Variants in TNR observed in about 807,000 individuals in gnomAD.
TNR encodes tenascin R.
In TNR, 45 loss-of-function variants were observed where a neutral mutation model predicts 150.4. The observed-to-expected ratio is 0.30, with a 90% CI of 0.24 to 0.38. TNR has a LOEUF of 0.38. Among genes scored for constraint, TNR ranks in the 10% least tolerant of loss-of-function variants. The probability of loss-of-function intolerance (pLI) is 1.00; values close to 1 mark genes in which losing one functional copy is unlikely to be tolerated. For missense variants in TNR, 1,544 were observed against 1,759.1 expected (o/e 0.88, Z 2.19); for synonymous variants, 687 against 678.4 (o/e 1.01, Z -0.20).
intron 1 of TNR, among the ~76,000 whole-genome samples, chr1:175,634,236 T>C (rs1664424003): frequency 6.6e-6 from 1 of 152,184 alleles, no homozygotes; most frequent in African/African-American, 2.4e-5. Context: ...CCTGAATGAT[T>C]GTCTTTCTGT....
intron 9 of TNR, among the ~76,000 whole-genome samples, chr1:175,368,434 C>T (rs1356047877): frequency 2.6e-5 from 4 of 152,190 alleles, no homozygotes; most frequent in Non-Finnish European, 5.9e-5. Context: ...CTCTGACCTC[C>T]CTACATCCAC....
chr1:175,337,712 T>G, intron 18 of TNR, 33 bp from the exon 19 acceptor site: 1 of 1,610,656 alleles, frequency 6.2e-7, no homozygotes, highest in African/African-American at 1.3e-5. Context: ...CCAGAAAGGA[T>G]TCTTTCTCTC....
intron 2 of TNR, among the ~76,000 whole-genome samples, chr1:175,428,498 T>C (rs1655112750): frequency 6.6e-6 from 1 of 152,194 alleles, no homozygotes; most frequent in South Asian, 2.1e-4. Context: ...CATCATCTAA[T>C]TCAATTTTCT....
At chr1:175,696,879 C>CA (rs66502339) in intron 1 of TNR, among the ~76,000 whole-genome samples, 1,163 of 110,480 alleles carry the variant, frequency 0.011, 14 homozygotes, top group African/African-American at 0.026. Flanking sequence ...AACTCCATCT[C>CA]AAAAAAAAAA....
At chr1:175,491,204 A>AT (rs2102139062) in intron 2 of TNR, among the ~76,000 whole-genome samples, 1 of 151,962 alleles carries the variant, frequency 6.6e-6, no homozygotes, top group Admixed American at 6.6e-5. Context: ...GAACACACAC[A>AT]CTGGGGCCTG....
intron 9 of TNR, among the ~76,000 whole-genome samples, chr1:175,373,632 C>G (rs1652205516): frequency 6.6e-6 from 1 of 152,158 alleles, no homozygotes; most frequent in Non-Finnish European, 1.5e-5. Flanking sequence ...AGGCCTGTTT[C>G]CAGATGGAAC....
chr1:175,455,568 G>A (rs1381930524), intron 2 of TNR, among the ~76,000 whole-genome samples: 1 of 152,192 alleles, frequency 6.6e-6, no homozygotes, highest in Non-Finnish European at 1.5e-5. Flanking sequence ...CATCAGTCAA[G>A]GCACTTTTTA....
chr1:175,511,113 ACTCT>A (rs1659154135), intron 2 of TNR, among the ~76,000 whole-genome samples: 1 of 152,074 alleles, frequency 6.6e-6, no homozygotes, highest in Admixed American at 6.5e-5. Context: ...GGCCTGTGGG[ACTCT>A]CTAAGTTGGG....
At chr1:175,508,835 T>C (rs1334130775) in intron 2 of TNR, among the ~76,000 whole-genome samples, 1 of 152,222 alleles carries the variant, frequency 6.6e-6, no homozygotes, top group East Asian at 1.9e-4. Context: ...CCAGTTAGTG[T>C]GGGGTCATTT....
At chr1:175,742,982 AC>A (rs1667972280) in intron 1 of TNR, among the ~76,000 whole-genome samples, 1 of 151,830 alleles carries the variant, frequency 6.6e-6, no homozygotes, top group South Asian at 2.1e-4. Flanking sequence ...ACACACACAC[AC>A]ACACACACAC....
chr1:175,670,067 C>T (rs1665648692), intron 1 of TNR, among the ~76,000 whole-genome samples: 2 of 152,214 alleles, frequency 1.3e-5, no homozygotes, highest in Non-Finnish European at 2.9e-5. Flanking sequence ...ATCCTCTCAC[C>T]TCTCCTGCAG....
chr1:175,571,810 G>T (rs1019611737), intron 1 of TNR, among the ~76,000 whole-genome samples: 23 of 152,164 alleles, frequency 1.5e-4, no homozygotes, highest in African/African-American at 5.5e-4. Context: ...CTTTACTTGT[G>T]TCTTCAGAGG....
chr1:175,480,680 G>T (rs1055935518), intron 2 of TNR, among the ~76,000 whole-genome samples: 4 of 152,304 alleles, frequency 2.6e-5, no homozygotes, highest in African/African-American at 9.6e-5. Context: ...GTTTACAGAC[G>T]TTAAGAGGCT....
At chr1:175,517,813 CAT>C (rs1047329729) in intron 2 of TNR, among the ~76,000 whole-genome samples, 11 of 152,162 alleles carry the variant, frequency 7.2e-5, no homozygotes, top group African/African-American at 2.7e-4. Flanking sequence ...CACATCTCCA[CAT>C]GTGTGATGTG....
At chr1:175,715,750 T>C (rs1667141247) in intron 1 of TNR, among the ~76,000 whole-genome samples, 1 of 152,242 alleles carries the variant, frequency 6.6e-6, no homozygotes, top group Non-Finnish European at 1.5e-5. Context: ...TGGCTCAGAA[T>C]AAATGACTTA....
At position 175,434,990 on chromosome 1, in the gene TNR, G is replaced by T. The variant is rs115586209; in HGVS notation, c.-63-28213C>A. Reference sequence around the variant, plus strand: ...CAGCACTCTGTCATTGCACTTTTACGTTGCCTTGGTAATATATTCTTATAT... The same window carrying T: ...CAGCACTCTGTCATTGCACTTTTACTTTGCCTTGGTAATATATTCTTATAT... On this transcript the variant is annotated intron_variant, in intron 2 of 22. Coordinates refer to ENST00000367674, the MANE Select transcript of TNR (RefSeq NM_003285.3). Among the ~76,000 whole-genome samples the T allele has an allele frequency of 3.8e-3, 577 of 152,178 alleles. 6 individuals carry two copies. The highest frequency in any genetic ancestry group is 0.013 in the African/African-American group (552 of 41,520).
At chr1:175,613,619 T>C (rs1663670350) in intron 1 of TNR, among the ~76,000 whole-genome samples, 1 of 152,102 alleles carries the variant, frequency 6.6e-6, no homozygotes, top group African/African-American at 2.4e-5. Flanking sequence ...TTCCTTCCCT[T>C]GGTGCTGTGG....
intron 1 of TNR, among the ~76,000 whole-genome samples, chr1:175,705,088 G>T (rs1047505249): frequency 6.6e-6 from 1 of 152,130 alleles, no homozygotes; most frequent in African/African-American, 2.4e-5. Flanking sequence ...CCTGGTGTGA[G>T]CTCTCCTTGA....
intron 1 of TNR, among the ~76,000 whole-genome samples, chr1:175,614,247 T>C (rs1431180959): frequency 6.6e-6 from 1 of 152,186 alleles, no homozygotes; most frequent in African/African-American, 2.4e-5. Context: ...GGGAAAAGAT[T>C]ATGATACCTA....
Sources: gnomAD v4.1 joint callset for allele counts (sites outside exome capture counted in the v4.1 genomes callset) on GRCh38, gnomAD v4.1.1 for gene constraint, MANE v1.5 for transcripts, NCBI Gene and HGNC (gene_info 2026-07-23, HGNC 2026-07-21) for gene names.